LRP1B: variants seen among roughly 807,000 people sequenced by gnomAD.
LRP1B encodes the protein low-density lipoprotein receptor-related protein 1B.
LRP1B carries 217 observed loss-of-function variants against 556.6 expected under a neutral mutation model. The ratio of observed to expected loss-of-function variants is 0.39; its 90% CI spans 0.35 to 0.44. LRP1B has a LOEUF of 0.44. Ranked by LOEUF, LRP1B falls within the 20% of genes least tolerant of loss-of-function variation. The pLI is 1.00. For missense variants in LRP1B, 5,053 were observed against 5,620.8 expected (o/e 0.90, Z 3.23); for synonymous variants, 2,047 against 1,865.8 (o/e 1.10, Z -2.50).
At chr2:140,597,577 T>G (rs1682493891) in intron 43 of LRP1B, among the ~76,000 whole-genome samples, 1 of 152,204 alleles carries the variant, frequency 6.6e-6, no homozygotes, top group African/African-American at 2.4e-5. Flanking sequence ...AATTTGCATG[T>G]CAGAAATCTA....
intron 43 of LRP1B, among the ~76,000 whole-genome samples, chr2:140,588,803 C>G (rs914308310): frequency 6.7e-6 from 1 of 150,190 alleles, no homozygotes; most frequent in African/African-American, 2.5e-5. Flanking sequence ...CCTAAAAATA[C>G]AAAAAATCAG....
chr2:142,011,498 G>A (rs1375538470), intron 1 of LRP1B, among the ~76,000 whole-genome samples: 1 of 152,178 alleles, frequency 6.6e-6, no homozygotes, highest in African/African-American at 2.4e-5. Flanking sequence ...TATAAGGAAT[G>A]AGCTTCAGGT....
intron 1 of LRP1B, among the ~76,000 whole-genome samples, chr2:141,828,681 C>G (rs1697014591): frequency 6.6e-6 from 1 of 152,060 alleles, no homozygotes; most frequent in Admixed American, 6.6e-5. Flanking sequence ...CTGATTGGAT[C>G]AGGGATAGGC....
intron 18 of LRP1B, among the ~76,000 whole-genome samples, chr2:140,963,152 C>T (rs1256152807): frequency 6.6e-6 from 1 of 151,988 alleles, no homozygotes; most frequent in Non-Finnish European, 1.5e-5. Context: ...AGAAATGTTT[C>T]CTGGATCAAT....
At chr2:141,900,125 C>T (rs193051702) in intron 1 of LRP1B, among the ~76,000 whole-genome samples, 289 of 152,076 alleles carry the variant, frequency 1.9e-3, no homozygotes, top group African/African-American at 6.3e-3. Context: ...CAGTCCCAAT[C>T]GATATGGAGA....
At chr2:140,818,164 CA>C (rs1303665931) in intron 31 of LRP1B, among the ~76,000 whole-genome samples, 9 of 152,148 alleles carry the variant, frequency 5.9e-5, no homozygotes, top group African/African-American at 2.2e-4. Flanking sequence ...CTTTTGGAGA[CA>C]GGGGAATGGT....
intron 2 of LRP1B, among the ~76,000 whole-genome samples, chr2:141,807,155 C>T (rs1231914273): frequency 6.6e-6 from 1 of 151,966 alleles, no homozygotes; most frequent in Non-Finnish European, 1.5e-5. Context: ...GTGATGACTG[C>T]ATGTGAATAT....
At chr2:140,751,913 C>G (rs190356948) in intron 35 of LRP1B, among the ~76,000 whole-genome samples, 344 of 152,138 alleles carry the variant, frequency 2.3e-3, no homozygotes, top group Non-Finnish European at 3.7e-3. Context: ...AAAACGAATA[C>G]CCATGTAGGA....
At chr2:140,360,344 T>C (rs1224029589) in intron 72 of LRP1B, among the ~76,000 whole-genome samples, 2 of 151,482 alleles carry the variant, frequency 1.3e-5, no homozygotes, top group Non-Finnish European at 3.0e-5. Context: ...ATTTTCCAAA[T>C]ATACTCCCTC....
chr2:140,484,176 T>C (rs1347270578), intron 59 of LRP1B, among the ~76,000 whole-genome samples: 1 of 152,168 alleles, frequency 6.6e-6, no homozygotes, highest in Admixed American at 6.5e-5. Flanking sequence ...TACATAATTA[T>C]ATAGTGAAAA....
chr2:141,975,218 C>T (rs1407258475), intron 1 of LRP1B, among the ~76,000 whole-genome samples: 3 of 151,860 alleles, frequency 2.0e-5, no homozygotes, highest in African/African-American at 7.3e-5. Flanking sequence ...AAATTTTTGA[C>T]CAAAGTGACA....
At chr2:140,431,216 T>C (rs1227779004) in intron 66 of LRP1B, among the ~76,000 whole-genome samples, 4 of 152,184 alleles carry the variant, frequency 2.6e-5, no homozygotes, top group Non-Finnish European at 2.9e-5. Flanking sequence ...GGACTAATGA[T>C]GTTTTAAAAA....
intron 1 of LRP1B, among the ~76,000 whole-genome samples, chr2:141,846,382 A>G (rs985333914): frequency 6.6e-6 from 1 of 151,614 alleles, no homozygotes; most frequent in Non-Finnish European, 1.5e-5. Context: ...TTGAAATGGC[A>G]ATGAAAGCAC....
At chr2:142,077,420 G>A (rs191446530) in intron 1 of LRP1B, among the ~76,000 whole-genome samples, 6 of 152,164 alleles carry the variant, frequency 3.9e-5, no homozygotes, top group African/African-American at 9.6e-5. Flanking sequence ...GGCAGGATGT[G>A]TGTTCTGCAA....
chr2:141,881,594 G>C (rs1161054795), intron 1 of LRP1B, among the ~76,000 whole-genome samples: 1 of 151,772 alleles, frequency 6.6e-6, no homozygotes, highest in South Asian at 2.1e-4. Flanking sequence ...GATATTCTTT[G>C]ATTAAAAACC....
intron 2 of LRP1B, among the ~76,000 whole-genome samples, chr2:141,744,475 T>C (rs1038330660): frequency 2.0e-5 from 3 of 152,206 alleles, no homozygotes; most frequent in African/African-American, 4.8e-5. Context: ...TTGGATAAAA[T>C]GCTTTGTAAA....
chr2:141,034,682 G>T (rs1698477622), intron 11 of LRP1B, among the ~76,000 whole-genome samples: 1 of 150,076 alleles, frequency 6.7e-6, no homozygotes, highest in African/African-American at 2.4e-5. Context: ...AGTTAGAATG[G>T]CAATCATTAA....
At chr2:140,520,654 C>T (rs1399983446) in intron 49 of LRP1B, among the ~76,000 whole-genome samples, 1 of 151,376 alleles carries the variant, frequency 6.6e-6, no homozygotes, top group Non-Finnish European at 1.5e-5. Flanking sequence ...GTCTATATTT[C>T]TTTTAAATAC....
chr2:141,130,955 A>T lies in LRP1B; in HGVS notation c.1013+57466T>A, dbSNP rs773434028. ...AACCAAACACCACATGTTCTCATTC[A>T]TAAGTGGGAGTTGAATAATGAGAAC... On this transcript the variant is annotated intron_variant, in intron 7 of 90. Coordinates refer to ENST00000389484, the MANE Select transcript of LRP1B (RefSeq NM_018557.3). 3.3e-5 allele frequency among the ~76,000 whole-genome samples: 5 copies of T among 152,056 alleles called. No homozygotes were observed. The South Asian group carries it at 1.0e-3, about 31-fold the overall frequency.
Sources: gnomAD v4.1 joint callset for allele counts (sites outside exome capture counted in the v4.1 genomes callset) on GRCh38, gnomAD v4.1.1 for gene constraint, MANE v1.5 for transcripts, NCBI Gene and HGNC (gene_info 2026-07-23, HGNC 2026-07-21) for gene names.